Variants in RALGPS1 observed in about 807,000 individuals in gnomAD.
The protein encoded by RALGPS1 is Ral GEF with PH domain and SH3 binding motif 1.
RALGPS1 carries 19 observed loss-of-function variants against 78.8 expected under a neutral mutation model. The ratio of observed to expected loss-of-function variants is 0.24; its 90% CI spans 0.17 to 0.35. The LOEUF (loss-of-function observed/expected upper bound fraction) is 0.35. RALGPS1 is among the 10% of genes least tolerant of loss of function. RALGPS1 has a pLI of 1.00. For synonymous variants in RALGPS1, 228 were observed against 256.3 expected, an observed-to-expected ratio of 0.89 and a Z score of 1.06; for missense variants, 454 against 688.3, an observed-to-expected ratio of 0.66 and a Z score of 3.81.
At chr9:127,139,558 G>A (rs2057629567) in intron 8 of RALGPS1, among the ~76,000 whole-genome samples, 1 of 152,248 alleles carries the variant, frequency 6.6e-6, no homozygotes, top group South Asian at 2.1e-4. Context: ...ATAGCAGCTG[G>A]GGTGGGGGTG....
intron 1 of RALGPS1, among the ~76,000 whole-genome samples, chr9:126,961,301 T>G (rs973461842): frequency 2.0e-5 from 3 of 152,180 alleles, no homozygotes; most frequent in African/African-American, 7.2e-5. Context: ...GATATCTGCC[T>G]CCCTGTGCCT....
chr9:126,935,644 G>A (rs1262172328), intron 1 of RALGPS1, among the ~76,000 whole-genome samples: 1 of 152,156 alleles, frequency 6.6e-6, no homozygotes. Context: ...ATAGTACTTA[G>A]AAGAAGCACG....
At chr9:127,108,354 C>T (rs1409156536) in intron 8 of RALGPS1, 8 of 1,611,950 alleles carry the variant, frequency 5.0e-6, no homozygotes, top group Non-Finnish European at 6.8e-6. Flanking sequence ...TGTTGCGGCT[C>T]TCCTTGCGCA....
intron 7 of RALGPS1, among the ~76,000 whole-genome samples, chr9:127,065,823 T>G (rs916400385): frequency 6.6e-6 from 1 of 152,216 alleles, no homozygotes; most frequent in African/African-American, 2.4e-5. Context: ...TTCCCATGTC[T>G]TACTAATTCC....
At chr9:126,934,591 A>G (rs984052054) in intron 1 of RALGPS1, among the ~76,000 whole-genome samples, 9 of 152,068 alleles carry the variant, frequency 5.9e-5, no homozygotes, top group Non-Finnish European at 1.2e-4. Context: ...GCCACAAAAC[A>G]GGGGATGTGT....
intron 14 of RALGPS1, among the ~76,000 whole-genome samples, chr9:127,209,041 C>G (rs2062090299): frequency 6.6e-6 from 1 of 152,202 alleles, no homozygotes. Flanking sequence ...ATCCTCAACT[C>G]CCAACAGTCA....
chr9:127,144,073 G>A (rs1479418778), intron 8 of RALGPS1, among the ~76,000 whole-genome samples: 1 of 152,202 alleles, frequency 6.6e-6, no homozygotes, highest in Non-Finnish European at 1.5e-5. Context: ...TGGTGCTGAA[G>A]CCTGGAACCC....
At chr9:126,950,109 A>C (rs2037670698) in intron 1 of RALGPS1, among the ~76,000 whole-genome samples, 1 of 152,180 alleles carries the variant, frequency 6.6e-6, no homozygotes, top group African/African-American at 2.4e-5. Flanking sequence ...GGTTTGTCAA[A>C]GATCAGATAG....
intron 2 of RALGPS1, 102 bp from the exon 3 acceptor site, chr9:126,965,742 A>G (rs1263298972): frequency 3.6e-6 from 3 of 828,458 alleles, no homozygotes; most frequent in African/African-American, 3.4e-5. Context: ...TTTTTATTGT[A>G]CTATTCCATT....
intron 9 of RALGPS1, among the ~76,000 whole-genome samples, chr9:127,167,914 C>A (rs2059373526): frequency 2.6e-5 from 4 of 152,248 alleles, no homozygotes; most frequent in Non-Finnish European, 5.9e-5. Flanking sequence ...GCAGCTGACA[C>A]CAGTCCCTCC....
At chr9:127,087,424 C>T (rs1393113610) in intron 8 of RALGPS1, 1 of 152,568 alleles carries the variant, frequency 6.6e-6, no homozygotes, top group African/African-American at 2.4e-5. Context: ...AAAACCCTCC[C>T]TTTTATATAC....
intron 18 of RALGPS1, among the ~76,000 whole-genome samples, chr9:127,215,058 CTG>C (rs1197958599): frequency 6.6e-6 from 1 of 152,216 alleles, no homozygotes; most frequent in Non-Finnish European, 1.5e-5. Flanking sequence ...AATCTGGTTC[CTG>C]TGTCTTTCCC....
intron 6 of RALGPS1, 75 bp downstream of exon 6, chr9:127,050,207 CA>C: frequency 1.6e-6 from 2 of 1,251,940 alleles, no homozygotes; most frequent in Non-Finnish European, 2.3e-6. Context: ...TATGTTTCCT[CA>C]GTACTTTGGG....
At chr9:127,003,068 G>A (rs2043493362) in intron 4 of RALGPS1, among the ~76,000 whole-genome samples, 1 of 152,192 alleles carries the variant, frequency 6.6e-6, no homozygotes, top group African/African-American at 2.4e-5. Context: ...CACCAACAGT[G>A]TAAAAGTGTT....
rs535205657 is a variant in RALGPS1 at position 126,979,069 on chromosome 9, C to T, written c.216+1324C>T. On this transcript the variant is annotated intron_variant, in intron 4 of 18. Coordinates refer to ENST00000259351, the MANE Select transcript of RALGPS1 (RefSeq NM_014636.3). ...ATACTCTTAACTTAATGCCTTTCTT[C>T]TTACAGAACTGTTAAGACTTGACAA... 1.8e-4 allele frequency among the ~76,000 whole-genome samples: 28 copies of T among 152,320 alleles called. No homozygotes were observed. In the South Asian group the frequency reaches 4.8e-3, roughly 26 times the overall value.
chr9:127,029,046 G>A (rs1589107337), intron 4 of RALGPS1, among the ~76,000 whole-genome samples: 2 of 152,188 alleles, frequency 1.3e-5, no homozygotes, highest in South Asian at 4.2e-4. Context: ...TTCCACACAA[G>A]GAAGGTGTGG....
intron 10 of RALGPS1, among the ~76,000 whole-genome samples, chr9:127,171,308 T>G (rs1385626644): frequency 1.3e-5 from 2 of 152,214 alleles, no homozygotes; most frequent in Non-Finnish European, 2.9e-5. Flanking sequence ...AATTGGATTC[T>G]ACTACACTGG....
At chr9:126,965,523 A>C (rs1374266295) in intron 2 of RALGPS1, among the ~76,000 whole-genome samples, 6 of 152,240 alleles carry the variant, frequency 3.9e-5, no homozygotes, top group Non-Finnish European at 8.8e-5. Context: ...GGGGTCGGAT[A>C]GATACAAAAG....
intron 3 of RALGPS1, among the ~76,000 whole-genome samples, chr9:126,966,201 T>C (rs1019835500): frequency 2.5e-4 from 38 of 152,020 alleles, no homozygotes; most frequent in African/African-American, 9.2e-4. Flanking sequence ...AAAGCAACGT[T>C]TGTGGAGAAC....
Sources: allele counts gnomAD v4.1 joint callset (sites outside exome capture counted in the v4.1 genomes callset), GRCh38; gene constraint gnomAD v4.1.1; transcripts MANE v1.5; gene names NCBI Gene and HGNC (gene_info 2026-07-23, HGNC 2026-07-21).